The following DMD variants were observed in gnomAD, a reference collection of about 807,000 sequenced individuals.
DMD encodes the protein dystrophin.
DMD carries 63 observed loss-of-function variants against 330.1 expected under a neutral mutation model. The observed-to-expected ratio is 0.19, with a 90% confidence interval of 0.16 to 0.24. DMD has a LOEUF of 0.24. Ranked by LOEUF, DMD falls within the 10% of genes least tolerant of loss-of-function variation. The probability of loss-of-function intolerance (pLI) is 1.00; values close to 1 mark genes in which losing one functional copy is unlikely to be tolerated. For missense variants in DMD, 3,344 were observed against 2,684.1 expected (o/e 1.25, Z -5.43); for synonymous variants, 1,223 against 959.8 (o/e 1.27, Z -5.07).
intron 44 of DMD, among the ~76,000 whole-genome samples, chrX:32,093,184 A>C (rs1473857084): frequency 8.9e-6 from 1 of 112,549 alleles, no homozygotes; most frequent in Admixed American, 9.5e-5. Context: ...AGCTGAGAAG[A>C]ATATGAGTGT....
intron 37 of DMD, among the ~76,000 whole-genome samples, chrX:32,353,364 G>A (rs942082815): frequency 9.0e-6 from 1 of 111,649 alleles, no homozygotes; most frequent in East Asian, 2.8e-4. Context: ...ATAAGAAAGC[G>A]TTTATAATTT....
chrX:33,077,714 G>A (rs766814478), intron 1 of DMD, among the ~76,000 whole-genome samples: 6 of 112,143 alleles, frequency 5.4e-5, no homozygotes, highest in Admixed American at 2.8e-4. Context: ...AGGATGAGAA[G>A]TACAATTCCC....
intron 50 of DMD, among the ~76,000 whole-genome samples, chrX:31,811,522 T>C (rs1348852440): frequency 8.9e-6 from 1 of 112,140 alleles, no homozygotes; most frequent in African/African-American, 3.2e-5. Flanking sequence ...TGTCAAGAGT[T>C]AAGGAGTCTC....
At chrX:31,275,155 T>G (rs1056796741) in intron 62 of DMD, among the ~76,000 whole-genome samples, 1 of 96,418 alleles carries the variant, frequency 1.0e-5, no homozygotes, top group Non-Finnish European at 2.1e-5. Context: ...AAATCAGGTT[T>G]TGTGTGTGTG....
intron 43 of DMD, among the ~76,000 whole-genome samples, chrX:32,274,386 C>A (rs2097377316): frequency 8.9e-6 from 1 of 111,785 alleles, no homozygotes; most frequent in Admixed American, 9.5e-5. Context: ...TAGTCAATTT[C>A]TTATCTGAAG....
intron 11 of DMD, among the ~76,000 whole-genome samples, chrX:32,640,051 A>T (rs1490514799): frequency 1.8e-5 from 2 of 109,293 alleles, no homozygotes; most frequent in Non-Finnish European, 3.8e-5. Context: ...AAATTTTTTT[A>T]AAAGTTAAAA....
At chrX:32,430,174 T>C (rs2098232282) in intron 29 of DMD, among the ~76,000 whole-genome samples, 2 of 111,719 alleles carry the variant, frequency 1.8e-5, no homozygotes, top group Non-Finnish European at 3.8e-5. Context: ...AGAAGTCTAA[T>C]GACAGCCTAA....
At chrX:33,298,377 G>A (rs1031973822) in intron 1 of DMD, among the ~76,000 whole-genome samples, 4 of 111,157 alleles carry the variant, frequency 3.6e-5, no homozygotes, top group Non-Finnish European at 7.6e-5. Flanking sequence ...ATTGCTGAAC[G>A]TCTTTAATTT....
At chrX:32,378,831 T>A (rs1428948328) in intron 34 of DMD, among the ~76,000 whole-genome samples, 1 of 110,888 alleles carries the variant, frequency 9.0e-6, no homozygotes, top group Non-Finnish European at 1.9e-5. Context: ...ATGAAACTTA[T>A]AGCTTGAATT....
At chrX:32,478,933 A>G (rs746918129) in intron 21 of DMD, among the ~76,000 whole-genome samples, 1 of 111,141 alleles carries the variant, frequency 9.0e-6, no homozygotes, top group East Asian at 2.8e-4. Context: ...GGTCATTTTC[A>G]TAAATACTGC....
At chrX:32,429,994 G>T (rs2098231462) in intron 29 of DMD, among the ~76,000 whole-genome samples, 1 of 110,742 alleles carries the variant, frequency 9.0e-6, no homozygotes, top group Non-Finnish European at 1.9e-5. Context: ...TTTATAGTAA[G>T]GGTCTATTGG....
In DMD at chrX:31,540,826, G is replaced by C. The variant is rs1603343813; in HGVS notation, c.8218-33373C>G. On this transcript the variant is annotated intron_variant, in intron 55 of 78. Coordinates refer to ENST00000357033, the MANE Select transcript of DMD (RefSeq NM_004006.3). ...AAGAAGCAAGGAAAATAGGTAGAAA[G>C]GCATTGTTGGTACAAATAGAAACGC... Among the ~76,000 whole-genome samples, 7 of 112,123 alleles carry C rather than the reference G, an allele frequency of 6.2e-5. No individual in the cohort carries two copies. The South Asian group carries it at 2.6e-3, about 41-fold the overall frequency.
rs746863317 is a variant in DMD at position 32,507,032 on chromosome X, T to A, written c.2293-5190A>T. ...GCATACTTGTTTTTCACTACTTACATTTATTCTCCATTAAAAGGTAAATGT... is the reference window on the plus strand; with the variant it reads ...GCATACTTGTTTTTCACTACTTACAATTATTCTCCATTAAAAGGTAAATGT... On this transcript the variant is annotated intron_variant, in intron 18 of 78. Transcript: ENST00000357033. Among the ~76,000 whole-genome samples, 9 of 111,953 alleles carry A rather than the reference T, an allele frequency of 8.0e-5. No individual in the cohort carries two copies. The South Asian group carries it at 3.3e-3, about 41-fold the overall frequency.
intron 42 of DMD, among the ~76,000 whole-genome samples, chrX:32,287,925 C>G (rs985467877): frequency 1.8e-5 from 2 of 110,563 alleles, no homozygotes; most frequent in East Asian, 5.7e-4. Context: ...CTCCCTACAT[C>G]TTAAAACTGC....
upstream of DMD, among the ~76,000 whole-genome samples, chrX:33,215,971 AT>A (rs905516377): frequency 1.8e-5 from 2 of 111,736 alleles, no homozygotes; most frequent in African/African-American, 6.5e-5. Context: ...CTCTTGCTTT[AT>A]TCTTTTAGCT....
At chrX:32,715,654 G>C (rs975072330) in intron 7 of DMD, among the ~76,000 whole-genome samples, 3 of 108,117 alleles carry the variant, frequency 2.8e-5, no homozygotes, top group Non-Finnish European at 5.7e-5. Context: ...GCAAAAATTA[G>C]CTGGGTGTGG....
intron 17 of DMD, among the ~76,000 whole-genome samples, chrX:32,533,965 G>A (rs1440386598): frequency 1.8e-5 from 2 of 111,831 alleles, no homozygotes; most frequent in Non-Finnish European, 3.8e-5. Flanking sequence ...TCAATCTGAC[G>A]TGTACTTAAT....
intron 44 of DMD, among the ~76,000 whole-genome samples, chrX:31,972,015 A>C (rs1280156993): frequency 9.0e-6 from 1 of 111,366 alleles, no homozygotes; most frequent in Non-Finnish European, 1.9e-5. Flanking sequence ...TGCATATCTA[A>C]CTCCCGTGGG....
Position 32,454,063 on chromosome X carries a change from C to A in DMD, c.3603+599G>T, listed in dbSNP as rs912268632. 4.5e-5 allele frequency among the ~76,000 whole-genome samples: 5 copies of A among 110,327 alleles called. No individual in the cohort carries two copies. The Admixed American group carries it at 4.8e-4, about 11-fold the overall frequency. On this transcript the variant is annotated intron_variant, in intron 26 of 78. Transcript: ENST00000357033. ...TATTATATTGTTGCCCAAGGCCATA[C>A]GAAATGCCACTATGTAGGTTCAAGT... is the stretch of plus-strand genomic sequence containing the variant.
Sources: gnomAD v4.1 joint callset for allele counts (sites outside exome capture counted in the v4.1 genomes callset) on GRCh38, gnomAD v4.1.1 for gene constraint, MANE v1.5 for transcripts, NCBI Gene and HGNC (gene_info 2026-07-23, HGNC 2026-07-21) for gene names.